FOXM1: variants seen among roughly 807,000 people sequenced by gnomAD.
FOXM1 encodes forkhead box M1.
FOXM1 carries 25 observed loss-of-function variants against 63.6 expected under a neutral mutation model. That is an observed-to-expected ratio of 0.39 (90% CI 0.29 to 0.55). FOXM1 has a LOEUF of 0.55. FOXM1 is among the 20% of genes least tolerant of loss of function. The pLI, the probability that FOXM1 is intolerant of heterozygous loss-of-function variation, is 0.60. For synonymous variants in FOXM1, 387 were observed against 376.9 expected (o/e 1.03, Z -0.31); for missense variants, 879 against 958.7 (o/e 0.92, Z 1.10).
Position 2,859,091 on chromosome 12 carries a change from G to C in FOXM1, c.1839C>G (p.Ser613Arg), listed in dbSNP as rs2098101441. The C allele has an allele frequency of 6.2e-7, 1 of 1,607,078 alleles. No individual in the cohort carries two copies. The highest frequency in any genetic ancestry group is 1.1e-5 in the South Asian group (1 of 90,884). The change falls in exon 9 of 9, where the codon AGC (serine) becomes AGG (arginine). Residue 613 changes from serine (S) to arginine (R), a missense_variant. By Grantham distance (110) the Ser-to-Arg change is moderately radical. Transcript: ENST00000359843. The part of the protein sequence containing the change: ...KETLPISSTP[S>R]KSVLPRTPES... ...CAGGGGTTCTGGGGAGGACAGATTT[G>C]CTCGGGGTGGAGGAGATGGGCAGCG...
Position 2,868,730 on chromosome 12 carries a change from C to G in FOXM1, c.679G>C (p.Ala227Pro). The G allele has an allele frequency of 6.2e-7, 1 of 1,613,418 alleles. No homozygotes were observed. Among genetic ancestry groups the G allele is most frequent in the Middle Eastern group, 1.7e-4 (1 of 5,954 alleles). ...TCAGACACAGAGTTCTGCCAGGACG[C>G]TGATGGTCTCGAAGGCTCCTCAACC... is the stretch of plus-strand genomic sequence containing the variant. ...VKVEEPSRPSASWQNSVSERP... is the reference protein window; with the variant it reads ...VKVEEPSRPSPSWQNSVSERP... The change falls in exon 4 of 9, where the codon GCG becomes CCG. Residue 227 changes from alanine to proline, a missense_variant. Ala to Pro is a conservative substitution (Grantham distance 27). This residue lies in a region of FOXM1 where 255 missense variants were observed against 292.4 expected (regional missense o/e 0.87). Transcript: ENST00000359843.
chr12:2,858,245 T>G lies in FOXM1; in HGVS notation c.*393A>C, dbSNP rs1192330606. On this transcript the variant is annotated 3_prime_UTR_variant, in exon 9 of 9. Coordinates refer to ENST00000359843, the MANE Select transcript of FOXM1 (RefSeq NM_021953.4). ...TTCTGGCAGTCTCTGGATAATGATC[T>G]AAGGAAATAAGCTTACATTTATAAT... 5.9e-6 allele frequency: 1 copy of G among 168,352 alleles called. No homozygotes were observed. Among genetic ancestry groups the G allele is most frequent in the East Asian group, 1.7e-4 (1 of 5,968 alleles). The allele number at this position is 168,352 out of a possible 1,614,324, so 10.4% of individuals were successfully genotyped here. A position where few individuals can be genotyped will look rare whatever the true frequency, so the allele number is the denominator to read the frequency against.
rs1458101443 is a variant in FOXM1, at chr12:2,858,606, G to C, written c.*32C>G. The C allele has an allele frequency of 6.3e-7, 1 of 1,590,556 alleles. No homozygotes were observed. The highest frequency in any genetic ancestry group is 8.6e-7 in the Non-Finnish European group (1 of 1,165,914). ...GAGCCTTGGAGTGCCCGGGATGGTG[G>C]ACAGCTTGAGCACAGGGGCAAGGGC... is the stretch of plus-strand genomic sequence containing the variant. On this transcript the variant is annotated 3_prime_UTR_variant, in exon 9 of 9. Coordinates refer to ENST00000359843, the MANE Select transcript of FOXM1 (RefSeq NM_021953.4).
In FOXM1 at chr12:2,874,393, T is replaced by C; in HGVS notation, c.86A>G (p.Glu29Gly). 1 of 1,614,118 alleles carries C rather than the reference T, an allele frequency of 6.2e-7. No individual in the cohort carries two copies. The highest frequency in any genetic ancestry group is 8.5e-7 in the Non-Finnish European group (1 of 1,180,020). ...PVQNAPSETS[E>G]EEPKRSPAQQ... ...GGCAGGGGATCTCTTAGGTTCCTCC[T>C]CTGATGTTTCACTTGGGGCATTTTG... Residue 29 changes from glutamate (E) to glycine (G), a missense_variant, in exon 2 of 9, where the codon GAG becomes GGG. Transcript: ENST00000359843. This position sits in a 1 kb window ranked among gnomAD's most constrained non-coding sequence, Gnocchi z 4.3.
chr12:2,863,904 G>A lies in FOXM1; in HGVS notation c.1266+416C>T, dbSNP rs148013940. 93 of 154,928 alleles carry A rather than the reference G, an allele frequency of 6.0e-4. 1 individual carries two copies. The East Asian group carries it at 0.016, about 26-fold the overall frequency. The allele number at this position is 154,928 out of a possible 1,614,324, so 9.6% of individuals were successfully genotyped here. A position where few individuals can be genotyped will look rare whatever the true frequency, so the allele number is the denominator to read the frequency against. ...TATTTTTTAGTAGAGACGGGGTTTC[G>A]CCACGTTGGCCAGGCTGGTCTCAAA... On this transcript the variant is annotated intron_variant, in intron 8 of 8. Transcript: ENST00000359843.
Position 2,868,771 on chromosome 12 carries a change from A to G in FOXM1, c.655-17T>C, listed in dbSNP as rs754059670. ...CTCCTCAACCTGAGGGTTATGACACAGGGAATGACATGAAAGAGTTCATGA... is the reference window on the plus strand; with the variant it reads ...CTCCTCAACCTGAGGGTTATGACACGGGGAATGACATGAAAGAGTTCATGA... On this transcript the variant is annotated splice_polypyrimidine_tract_variant and intron_variant, in intron 3 of 8. Coordinates refer to ENST00000359843, the MANE Select transcript of FOXM1 (RefSeq NM_021953.4). 1 of 1,597,830 alleles carries G rather than the reference A, an allele frequency of 6.3e-7. No homozygotes were observed. The highest frequency in any genetic ancestry group is 2.2e-5 in the East Asian group (1 of 44,640).
In FOXM1 at chr12:2,874,412, C is replaced by A; in HGVS notation, c.67G>T (p.Ala23Ser). Residue 23 changes from alanine (A) to serine (S), a missense_variant, in exon 2 of 9, where the codon GCC (alanine) becomes TCC (serine). Ala to Ser is a moderately conservative substitution (Grantham distance 99). Coordinates refer to ENST00000359843, the MANE Select transcript of FOXM1 (RefSeq NM_021953.4). The surrounding 1 kb of genome is among the most constrained non-coding windows in gnomAD (Gnocchi z 4.3). ...RRRLPLPVQN[A>S]PSETSEEEPK... The stretch of plus-strand genomic sequence containing the variant: ...TCCTCCTCTGATGTTTCACTTGGGG[C>A]ATTTTGAACAGGAAGGGGCAGCCTC... 6.2e-7 allele frequency: 1 copy of A among 1,614,038 alleles called. No individual in the cohort carries two copies. Among genetic ancestry groups the A allele is most frequent in the Non-Finnish European group, 8.5e-7 (1 of 1,180,012 alleles).
In FOXM1 at chr12:2,858,707, A is replaced by G; in HGVS notation, c.2223T>C (p.Pro741=). Residue 741 remains proline, a synonymous_variant, in exon 9 of 9, where the codon CCT becomes CCC. Coordinates refer to ENST00000359843, the MANE Select transcript of FOXM1 (RefSeq NM_021953.4). Reference sequence around the variant, plus strand: ...GGCCCAGTGGGTCCTCGTCCAGGCCAGGAAAGCTGATGTCCAGCAGGATCT... The same window carrying G: ...GGCCCAGTGGGTCCTCGTCCAGGCCGGGAAAGCTGATGTCCAGCAGGATCT... The part of the protein sequence containing the change: ...LSKILLDISF[P]GLDEDPLGPD... 1 of 1,614,200 alleles carries G rather than the reference A, an allele frequency of 6.2e-7. No homozygotes were observed. The highest frequency in any genetic ancestry group is 8.5e-7 in the Non-Finnish European group (1 of 1,180,040).
Position 2,874,133 on chromosome 12 carries a change from T to A in FOXM1, c.346A>T (p.Thr116Ser), listed in dbSNP as rs1434325724. Residue 116 changes from threonine (T) to serine (S), a missense_variant, in exon 2 of 9, where the codon ACT becomes TCT. Physicochemically the swap from Thr to Ser is moderately conservative, Grantham distance 58. Transcript: ENST00000359843. This position sits in a 1 kb window ranked among gnomAD's most constrained non-coding sequence, Gnocchi z 4.3. ...FILISCGGAP[T>S]QPPGLRPQTQ... is the part of the protein sequence containing the mutation. ...TGAGGCCGGAGTCCTGGAGGCTGAG[T>A]TGGGGCTCCCCCACAGCTGATGAGG... 1 of 1,614,122 alleles carries A rather than the reference T, an allele frequency of 6.2e-7. No individual in the cohort carries two copies. The highest frequency in any genetic ancestry group is 1.3e-5 in the African/African-American group (1 of 75,032).
At chr12:2,862,574 A>G (rs1321498300) in intron 8 of FOXM1, among the ~76,000 whole-genome samples, 2 of 152,206 alleles carry the variant, frequency 1.3e-5, no homozygotes, top group Non-Finnish European at 2.9e-5. Context: ...TTTGTTGCCT[A>G]AGCTAGAATG....
At chr12:2,861,228 G>T in intron 8 of FOXM1, 2 of 651,310 alleles carry the variant, frequency 3.1e-6, no homozygotes, top group Non-Finnish European at 2.7e-6. Context: ...AATGGGCAAT[G>T]TTCATAAATA....
At chr12:2,873,832 C>A in intron 2 of FOXM1, 145 bp downstream of exon 2, 1 of 885,426 alleles carries the variant, frequency 1.1e-6, no homozygotes, top group Non-Finnish European at 1.7e-6. Flanking sequence ...CCCGCCTCAG[C>A]CTCCCAAAGT....
At chr12:2,859,805 T>C in intron 8 of FOXM1, 142 bp from the exon 9 acceptor site, 1 of 651,108 alleles carries the variant, frequency 1.5e-6, no homozygotes, top group Non-Finnish European at 2.6e-6. Flanking sequence ...ATGTTGAAGT[T>C]GGTAGTTCAA....
At chr12:2,870,661 CAAAAA>C in intron 3 of FOXM1, among the ~76,000 whole-genome samples, 1 of 140,616 alleles carries the variant, frequency 7.1e-6, no homozygotes, top group Non-Finnish European at 1.5e-5. Flanking sequence ...GAATCCGTCT[CAAAAA>C]GAAAAAAAAA....
rs754456911 is a variant in FOXM1, at chr12:2,865,407, C to T, written c.976-8G>A. ...AGACCCTGGGTCCAGTGGCTGGTGG[C>T]GGCCAGGCATTGTGGGAGAGAAATG... On this transcript the variant is annotated splice_region_variant and splice_polypyrimidine_tract_variant and intron_variant, in intron 5 of 8. Coordinates refer to ENST00000359843, the MANE Select transcript of FOXM1 (RefSeq NM_021953.4). The T allele has an allele frequency of 2.2e-5, 35 of 1,608,346 alleles. No individual in the cohort carries two copies. Among genetic ancestry groups the T allele is most frequent in the East Asian group, 9.0e-5 (4 of 44,444 alleles).
Position 2,858,773 on chromosome 12 carries a change from T to G in FOXM1, c.2157A>C (p.Thr719=), listed in dbSNP as rs774734794. ...VSGLAANRSL[T]EGLVLDTMND... is the part of the protein sequence containing the mutation. ...TCATTGTGTCCAGGACCAGGCCTTCTGTCAGAGAACGATTGGCTGCAAGGC... is the reference window on the plus strand; with the variant it reads ...TCATTGTGTCCAGGACCAGGCCTTCGGTCAGAGAACGATTGGCTGCAAGGC... The change falls in exon 9 of 9, where the codon ACA becomes ACC. Residue 719 remains threonine, a synonymous_variant. Transcript: ENST00000359843. The G allele has an allele frequency of 2.5e-6, 4 of 1,614,248 alleles. No homozygotes were observed. Among genetic ancestry groups the G allele is most frequent in the Non-Finnish European group, 3.4e-6 (4 of 1,180,048 alleles).
Position 2,872,358 on chromosome 12 carries a change from C to T in FOXM1, c.503-111G>A. 3.5e-6 allele frequency: 4 copies of T among 1,153,916 alleles called. No individual in the cohort carries two copies. Among genetic ancestry groups the T allele is most frequent in the Non-Finnish European group, 5.0e-6 (4 of 798,684 alleles). 71.5% of individuals were successfully genotyped at this position (1,153,916 alleles called of 1,614,324 possible). A position where few individuals can be genotyped will look rare whatever the true frequency, so the allele number is the denominator to read the frequency against. ...GGTGCAGTGGCTCACACCTGTAATCCTAGCACTTTGGGAGGGCGAGGCGGG... is the reference window on the plus strand; with the variant it reads ...GGTGCAGTGGCTCACACCTGTAATCTTAGCACTTTGGGAGGGCGAGGCGGG... On this transcript the variant is annotated intron_variant, in intron 2 of 8. Transcript: ENST00000359843. The surrounding 1 kb of genome is among the most constrained non-coding windows in gnomAD (Gnocchi z 4.0).
chr12:2,867,234 G>A (rs2098124768), intron 4 of FOXM1, among the ~76,000 whole-genome samples: 1 of 151,980 alleles, frequency 6.6e-6, no homozygotes, highest in African/African-American at 2.4e-5. Context: ...AGAGGCTAAG[G>A]CAGGAGGAGT....
At chr12:2,875,508 T>C (rs990042008) in intron 1 of FOXM1, among the ~76,000 whole-genome samples, 4 of 152,234 alleles carry the variant, frequency 2.6e-5, no homozygotes, top group African/African-American at 9.6e-5. Flanking sequence ...CACAGGCTAT[T>C]ATACTTGCTC....
Sources: gnomAD v4.1 joint callset for allele counts (sites outside exome capture counted in the v4.1 genomes callset) on GRCh38, gnomAD v4.1.1 for gene constraint, gnomAD v4.1.1 regional missense constraint, Gnocchi (gnomAD v3.1) non-coding constraint, MANE v1.5 for transcripts, NCBI Gene and HGNC (gene_info 2026-07-23, HGNC 2026-07-21) for gene names.